Variants in OTUD7A observed in about 807,000 individuals in gnomAD.
The protein encoded by OTUD7A is OTU domain-containing protein 7A.
OTUD7A carries 12 observed loss-of-function variants against 65.7 expected under a neutral mutation model. The observed-to-expected ratio is 0.18, with a 90% CI of 0.12 to 0.30. The LOEUF is 0.30. Among genes scored for constraint, OTUD7A ranks in the 10% least tolerant of loss-of-function variants. The pLI is 1.00. For missense variants in OTUD7A, 1,148 were observed against 1,304.8 expected, an observed-to-expected ratio of 0.88 and a Z score of 1.85; for synonymous variants, 641 against 586.3, an observed-to-expected ratio of 1.09 and a Z score of -1.35.
rs1197505767 is a variant in OTUD7A, at chr15:31,483,411, C to T, written c.2685G>A (p.Arg895=). 9.5e-6 allele frequency: 13 copies of T among 1,364,682 alleles called. No individual in the cohort carries two copies. The East Asian group carries it at 3.8e-4, about 39-fold the overall frequency. 84.5% of individuals were successfully genotyped at this position (1,364,682 alleles called of 1,614,324 possible). A position where few individuals can be genotyped will look rare whatever the true frequency, so the allele number is the denominator to read the frequency against. ...CGRGGPGPVQ[R]RCQRENCAFY... ...ACGCACAGTTCTCGCGCTGGCAGCG[C>T]CGCTGCACCGGCCCCGGGCCGCCAC... The change falls in exon 13 of 13, where the codon CGG becomes CGA. Residue 895 remains arginine (R), a synonymous_variant. Coordinates refer to ENST00000307050, the MANE Select transcript of OTUD7A (RefSeq NM_001382637.1).
chr15:31,713,168 T>C (rs1246323742), intron 1 of OTUD7A, among the ~76,000 whole-genome samples: 5 of 152,214 alleles, frequency 3.3e-5, no homozygotes, highest in African/African-American at 7.2e-5. Context: ...TCTGTCTTCT[T>C]ACTTCACAGT....
At chr15:31,776,744 C>T (rs1055269176) in intron 1 of OTUD7A, among the ~76,000 whole-genome samples, 2 of 152,020 alleles carry the variant, frequency 1.3e-5, no homozygotes, top group Non-Finnish European at 2.9e-5. Context: ...GTCCTTACTC[C>T]TCAGGGGTGT....
intron 1 of OTUD7A, among the ~76,000 whole-genome samples, chr15:31,694,480 A>G (rs1161405373): frequency 1.3e-5 from 2 of 152,138 alleles, no homozygotes; most frequent in African/African-American, 4.8e-5. Context: ...CTTTATTATT[A>G]TCTACTCTCA....
At chr15:31,870,130 C>A (rs1368584204) in intron 1 of OTUD7A, among the ~76,000 whole-genome samples, 1 of 149,940 alleles carries the variant, frequency 6.7e-6, no homozygotes, top group East Asian at 2.0e-4. Context: ...ACCGAGGGGT[C>A]GGTCGCCCCA....
intron 1 of OTUD7A, among the ~76,000 whole-genome samples, chr15:31,724,347 G>C (rs1421298001): frequency 6.6e-6 from 1 of 152,152 alleles, no homozygotes; most frequent in East Asian, 1.9e-4. Context: ...CCTTGTAATA[G>C]TTCTTGGGGT....
intron 1 of OTUD7A, among the ~76,000 whole-genome samples, chr15:31,685,524 T>C (rs1025251080): frequency 6.7e-6 from 1 of 150,226 alleles, no homozygotes; most frequent in Non-Finnish European, 1.5e-5. Flanking sequence ...CCGGGCGTGG[T>C]GGCGGGCGCC....
chr15:31,622,373 C>T (rs1013092269), intron 3 of OTUD7A, among the ~76,000 whole-genome samples: 1 of 152,144 alleles, frequency 6.6e-6, no homozygotes, highest in African/African-American at 2.4e-5. Flanking sequence ...CAACTTGGTT[C>T]CATTCGCCCC....
At chr15:31,684,448 T>C (rs941629809) in intron 1 of OTUD7A, among the ~76,000 whole-genome samples, 1 of 152,150 alleles carries the variant, frequency 6.6e-6, no homozygotes, top group Non-Finnish European at 1.5e-5. Context: ...AATCTCACCA[T>C]TTCTGTGGGG....
At chr15:31,796,888 C>A (rs190362701) in intron 1 of OTUD7A, among the ~76,000 whole-genome samples, 1 of 152,190 alleles carries the variant, frequency 6.6e-6, no homozygotes, top group African/African-American at 2.4e-5. Flanking sequence ...GCATGCACCA[C>A]CATACCCGGC....
chr15:31,585,047 G>T (rs1455865098), intron 3 of OTUD7A, among the ~76,000 whole-genome samples: 7 of 152,200 alleles, frequency 4.6e-5, no homozygotes, highest in African/African-American at 7.2e-5. Flanking sequence ...AGGACATTGC[G>T]CCTCCCTTTG....
chr15:31,781,444 C>G (rs1003452198), intron 1 of OTUD7A, among the ~76,000 whole-genome samples: 5 of 152,146 alleles, frequency 3.3e-5, no homozygotes, highest in Non-Finnish European at 7.4e-5. Flanking sequence ...CATCATGGAC[C>G]ACACAGGAGC....
chr15:31,756,488 C>G (rs113971981), intron 1 of OTUD7A, among the ~76,000 whole-genome samples: 5 of 152,298 alleles, frequency 3.3e-5, no homozygotes, highest in African/African-American at 1.2e-4. Context: ...AGTCACTGTC[C>G]TCGTGATGTA....
At chr15:31,614,025 T>C (rs1262985898) in intron 3 of OTUD7A, among the ~76,000 whole-genome samples, 1 of 152,196 alleles carries the variant, frequency 6.6e-6, no homozygotes, top group East Asian at 1.9e-4. Context: ...TTGGAGACTA[T>C]TACTCTAAGT....
At chr15:31,708,952 T>C (rs1346029786) in intron 1 of OTUD7A, among the ~76,000 whole-genome samples, 3 of 151,460 alleles carry the variant, frequency 2.0e-5, no homozygotes, top group African/African-American at 7.4e-5. Context: ...TCAGAGAAGA[T>C]GTGAAAGTGA....
intron 1 of OTUD7A, among the ~76,000 whole-genome samples, chr15:31,771,194 G>A (rs1895224934): frequency 6.6e-6 from 1 of 152,160 alleles, no homozygotes. Flanking sequence ...AGTTTAACAA[G>A]GTCATAGAAG....
chr15:31,516,396 G>T (rs1480345907), intron 8 of OTUD7A, among the ~76,000 whole-genome samples: 1 of 152,168 alleles, frequency 6.6e-6, no homozygotes, highest in African/African-American at 2.4e-5. Context: ...CAGTGACCCA[G>T]GGGGTGGCGG....
chr15:31,656,334 C>A (rs1389455067), intron 2 of OTUD7A, among the ~76,000 whole-genome samples: 1 of 152,042 alleles, frequency 6.6e-6, no homozygotes, highest in Non-Finnish European at 1.5e-5. Flanking sequence ...GATAAGAGGT[C>A]TGCAAGTTAT....
chr15:31,772,380 G>T (rs1895264715), intron 1 of OTUD7A, among the ~76,000 whole-genome samples: 1 of 151,858 alleles, frequency 6.6e-6, no homozygotes. Context: ...TATGTGCCCA[G>T]CATTTGCATA....
intron 10 of OTUD7A, among the ~76,000 whole-genome samples, chr15:31,494,424 C>T (rs949320492): frequency 2.6e-5 from 4 of 152,314 alleles, no homozygotes; most frequent in East Asian, 1.9e-4. Context: ...ATCTTGTATT[C>T]CCAGCTTCCA....
Sources: gnomAD v4.1 joint callset for allele counts (sites outside exome capture counted in the v4.1 genomes callset) on GRCh38, gnomAD v4.1.1 for gene constraint, MANE v1.5 for transcripts, NCBI Gene and HGNC (gene_info 2026-07-23, HGNC 2026-07-21) for gene names.